Variants in RFX4 observed in about 807,000 individuals in gnomAD.
RFX4 encodes transcription factor RFX4.
A neutral mutation model predicts 95.0 loss-of-function variants in RFX4; 10 were observed. The observed-to-expected ratio is 0.11, with a 90% CI of 0.06 to 0.18. The LOEUF (loss-of-function observed/expected upper bound fraction) is 0.18. Among genes scored for constraint, RFX4 ranks in the 10% least tolerant of loss-of-function variants. The pLI is 1.00. For missense variants in RFX4, 640 were observed against 922.0 expected, an observed-to-expected ratio of 0.69 and a Z score of 3.96; for synonymous variants, 321 against 340.7, an observed-to-expected ratio of 0.94 and a Z score of 0.64.
chr12:106,756,496 C>T (rs982436134), intron 17 of RFX4, among the ~76,000 whole-genome samples: 1 of 152,108 alleles, frequency 6.6e-6, no homozygotes, highest in Admixed American at 6.5e-5. Context: ...CAAACCAACC[C>T]AGGACCATTG....
At chr12:106,700,621 TGGTCTCGATCTCCTG>T (rs2137464277) in intron 8 of RFX4, among the ~76,000 whole-genome samples, 1 of 150,982 alleles carries the variant, frequency 6.6e-6, no homozygotes, top group African/African-American at 2.4e-5. Flanking sequence ...TTAGCCAGGA[TGGTCTCGATCTCCTG>T]ACCTCGTGAT....
rs144484324 is a variant in RFX4 at position 106,617,188 on chromosome 12, A to G, written c.130+8305A>G. Among the ~76,000 whole-genome samples, 900 of 152,170 alleles carry G rather than the reference A, an allele frequency of 5.9e-3. 4 individuals carry two copies. Among genetic ancestry groups the G allele is most frequent in the Middle Eastern group, 0.01 (3 of 294 alleles). On this transcript the variant is annotated intron_variant, in intron 2 of 17. Transcript: ENST00000392842. ...GTTTATCAATTTTATTAGTCTTTTCAAAGGTCCAACTTTTGGGTTTGTTGT... is the reference window on the plus strand; with the variant it reads ...GTTTATCAATTTTATTAGTCTTTTCGAAGGTCCAACTTTTGGGTTTGTTGT...
At chr12:106,632,887 G>A (rs1161282321) in intron 2 of RFX4, among the ~76,000 whole-genome samples, 1 of 152,158 alleles carries the variant, frequency 6.6e-6, no homozygotes, top group African/African-American at 2.4e-5. Flanking sequence ...ACAGGTGCAT[G>A]CCACCGTATC....
intron 4 of RFX4, among the ~76,000 whole-genome samples, chr12:106,676,856 A>G (rs1240538823): frequency 6.6e-6 from 1 of 152,218 alleles, no homozygotes; most frequent in Admixed American, 6.5e-5. Flanking sequence ...TATGACATAA[A>G]AGAAATAAAG....
chr12:106,645,996 G>C (rs2040735926), intron 3 of RFX4: 1 of 1,238,102 alleles, frequency 8.1e-7, no homozygotes. Flanking sequence ...ATGAGATGCT[G>C]TGTTGTGGAA....
chr12:106,752,526 G>T (rs1431973407), intron 17 of RFX4, among the ~76,000 whole-genome samples: 1 of 151,178 alleles, frequency 6.6e-6, no homozygotes, highest in Non-Finnish European at 1.5e-5. Flanking sequence ...GCCCTTTTTC[G>T]GGCAGCTACC....
In RFX4 at chr12:106,687,180, TCTCA is replaced by T. The variant is rs777660693; in HGVS notation, c.591+85_591+88del. 2.2e-3 allele frequency: 1,474 copies of T among 681,386 alleles called. 8 individuals are homozygous for T. Among genetic ancestry groups the T allele is most frequent in the African/African-American group, 0.021 (773 of 37,564 alleles). 42.2% of individuals were successfully genotyped at this position (681,386 alleles called of 1,614,324 possible). A position where few individuals can be genotyped will look rare whatever the true frequency, so the allele number is the denominator to read the frequency against. ...CTCTCTGTCTCTATCTCTCTCTCTC[TCTCA>T]CACACACACACACACACACACACAC... On this transcript the variant is annotated intron_variant, in intron 6 of 17. Transcript: ENST00000392842.
intron 17 of RFX4, among the ~76,000 whole-genome samples, chr12:106,757,383 A>G (rs888300030): frequency 6.6e-6 from 1 of 152,030 alleles, no homozygotes; most frequent in African/African-American, 2.4e-5. Flanking sequence ...CCTCACCTCT[A>G]CAAAAAATTT....
intron 6 of RFX4, among the ~76,000 whole-genome samples, chr12:106,687,701 ATCTT>A: frequency 6.6e-6 from 1 of 152,346 alleles, no homozygotes; most frequent in South Asian, 2.1e-4. Context: ...TCCCAGTACT[ATCTT>A]TACAACTTTT....
At chr12:106,592,236 C>T (rs2039558991) in intron 1 of RFX4, among the ~76,000 whole-genome samples, 1 of 151,984 alleles carries the variant, frequency 6.6e-6, no homozygotes. Context: ...TTTTAGAATA[C>T]CTAGATGTGC....
chr12:106,701,425 AT>A (rs1295276830), intron 8 of RFX4, among the ~76,000 whole-genome samples: 1 of 151,312 alleles, frequency 6.6e-6, no homozygotes, highest in Non-Finnish European at 1.5e-5. Context: ...GTATTTCATT[AT>A]TTTTGGAAAA....
At chr12:106,669,209 C>T (rs760068581) in intron 4 of RFX4, among the ~76,000 whole-genome samples, 11 of 152,280 alleles carry the variant, frequency 7.2e-5, no homozygotes, top group Non-Finnish European at 1.5e-4. Context: ...CCAGTTCCTA[C>T]ATTTGGTGGC....
At chr12:106,758,149 T>C (rs1370298250) in intron 17 of RFX4, among the ~76,000 whole-genome samples, 2 of 152,220 alleles carry the variant, frequency 1.3e-5, no homozygotes, top group African/African-American at 2.4e-5. Context: ...TTAAGGACCC[T>C]GTATGAAACC....
chr12:106,655,113 A>T (rs1166223811), intron 4 of RFX4, among the ~76,000 whole-genome samples: 1 of 152,182 alleles, frequency 6.6e-6, no homozygotes, highest in African/African-American at 2.4e-5. Flanking sequence ...GAAATGGCAG[A>T]AAGAGGTCAG....
At chr12:106,749,364 G>C (rs1281146776) in intron 16 of RFX4, among the ~76,000 whole-genome samples, 2 of 152,052 alleles carry the variant, frequency 1.3e-5, no homozygotes, top group African/African-American at 4.8e-5. Context: ...GGGAGGAGGA[G>C]GGGGAGGATT....
At chr12:106,685,031 A>G in intron 5 of RFX4, 5 of 1,453,614 alleles carry the variant, frequency 3.4e-6, no homozygotes, top group Admixed American at 2.0e-5. Context: ...TGTGACTTTC[A>G]TTGTATCTCC....
rs148801175 is a variant in RFX4, at chr12:106,711,483, G to A, written c.965G>A (p.Arg322Gln). Residue 322 changes from arginine to glutamine, a missense_variant, in exon 10 of 18, where the codon CGG becomes CAG. This residue lies in a region of RFX4 where 96 missense variants were observed against 183.7 expected (regional missense o/e 0.52). Transcript: ENST00000392842. ...AGAAGGTTCTCCCAAATTCTGAGACGGCAAACATCACTAAATCATCTCTGC... is the reference window on the plus strand; with the variant it reads ...AGAAGGTTCTCCCAAATTCTGAGACAGCAAACATCACTAAATCATCTCTGC... ...LSRRFSQILRRQTSLNHLCQA... is the reference protein window; with the variant it reads ...LSRRFSQILRQQTSLNHLCQA... The A allele has an allele frequency of 3.0e-5, 49 of 1,613,996 alleles. No homozygotes were observed. Among genetic ancestry groups the A allele is most frequent in the Middle Eastern group, 3.3e-4 (2 of 6,062 alleles).
rs545202770 is a variant in RFX4, at chr12:106,700,410, T to C, written c.833+3964T>C. 3.5e-4 allele frequency among the ~76,000 whole-genome samples: 51 copies of C among 144,020 alleles called. No individual in the cohort carries two copies. In the South Asian group the frequency reaches 4.4e-3, roughly 12 times the overall value. 94.5% of individuals were successfully genotyped at this position (144,020 alleles called of 152,430 possible). A position where few individuals can be genotyped will look rare whatever the true frequency, so the allele number is the denominator to read the frequency against. On this transcript the variant is annotated intron_variant, in intron 8 of 17. Coordinates refer to ENST00000392842, the MANE Select transcript of RFX4 (RefSeq NM_213594.3). ...TTTGTATATCTTCTTTTTCTTTTTTTTTTTTTTTTTTTTTGAGACGGAGTC... is the reference window on the plus strand; with the variant it reads ...TTTGTATATCTTCTTTTTCTTTTTTCTTTTTTTTTTTTTTGAGACGGAGTC...
At chr12:106,761,128 T>G (rs2043201621) in intron 17 of RFX4, 69 bp from the exon 18 acceptor site, 2 of 1,484,814 alleles carry the variant, frequency 1.3e-6, no homozygotes, top group African/African-American at 1.4e-5. Flanking sequence ...ACTATAAACA[T>G]GACTGATATT....
Sources: allele counts gnomAD v4.1 joint callset (sites outside exome capture counted in the v4.1 genomes callset), GRCh38; gene constraint gnomAD v4.1.1; regional missense constraint gnomAD v4.1.1; transcripts MANE v1.5; gene names NCBI Gene and HGNC (gene_info 2026-07-23, HGNC 2026-07-21).